Variants in ESS2 observed in about 807,000 individuals in gnomAD.
ESS2 encodes the protein splicing factor ESS-2 homolog.
ESS2 carries 31 observed loss-of-function variants against 52.0 expected under a neutral mutation model. The observed-to-expected ratio is 0.60, with a 90% confidence interval of 0.45 to 0.81. The LOEUF (loss-of-function observed/expected upper bound fraction) is 0.81. ESS2 is among the 30% of genes least tolerant of loss of function. The pLI is 0.00. For synonymous variants in ESS2, 285 were observed against 259.2 expected, an observed-to-expected ratio of 1.10 and a Z score of -0.95; for missense variants, 602 against 637.2, an observed-to-expected ratio of 0.94 and a Z score of 0.59.
chr22:19,137,901 C>T lies in ESS2; in HGVS notation c.925+314G>A, dbSNP rs537116734. The T allele has an allele frequency of 5.1e-6, 5 of 985,412 alleles. No individual in the cohort carries two copies. In the African/African-American group the frequency reaches 8.7e-5, roughly 17 times the overall value. The allele number at this position is 985,412 out of a possible 1,614,324, so 61.0% of individuals were successfully genotyped here. Reference sequence around the variant, plus strand: ...GTGCTGGGCCTCCCTCCCTGCAGTGCTAGGTAGACTTAGACTCATAAGCAC... The same window carrying T: ...GTGCTGGGCCTCCCTCCCTGCAGTGTTAGGTAGACTTAGACTCATAAGCAC... On this transcript the variant is annotated intron_variant, in intron 7 of 9. Transcript: ENST00000252137.
chr22:19,134,954 TG>T, intron 9 of ESS2, 105 bp downstream of exon 9: 2 of 1,092,384 alleles, frequency 1.8e-6, no homozygotes, highest in Non-Finnish European at 2.7e-6. Context: ...GGACCTGCCC[TG>T]GACTCTGCCG....
In ESS2 at chr22:19,139,959, T is replaced by C. The variant is rs1361211971; in HGVS notation, c.466A>G (p.Thr156Ala). The change falls in exon 4 of 10, where the codon ACG (threonine) becomes GCG (alanine). Residue 156 changes from threonine (T) to alanine (A), a missense_variant. Thr to Ala is a moderately conservative substitution (Grantham distance 58). Coordinates refer to ENST00000252137, the MANE Select transcript of ESS2 (RefSeq NM_022719.3). ...TGGAAGGAGGCATTGTCCTCACTCG[T>C]GTAGCGGCTCAGGAAGACATCTAGG... ...PSLDVFLSRYTSEDNASFQEI... is the reference protein window; with the variant it reads ...PSLDVFLSRYASEDNASFQEI... The C allele has an allele frequency of 6.2e-7, 1 of 1,614,150 alleles. No homozygotes were observed. Among genetic ancestry groups the C allele is most frequent in the Non-Finnish European group, 8.5e-7 (1 of 1,180,036 alleles).
At position 19,134,175 on chromosome 22, in the gene ESS2, GAGCCC is replaced by G. The variant is rs2083538752; in HGVS notation, c.*16_*20del. 2 of 1,491,940 alleles carry G rather than the reference GAGCCC, an allele frequency of 1.3e-6. No homozygotes were observed. The highest frequency in any genetic ancestry group is 4.9e-5 in the East Asian group (2 of 41,124). 92.4% of individuals were successfully genotyped at this position (1,491,940 alleles called of 1,614,324 possible). A position where few individuals can be genotyped will look rare whatever the true frequency, so the allele number is the denominator to read the frequency against. On this transcript the variant is annotated 3_prime_UTR_variant, in exon 10 of 10. Transcript: ENST00000252137. ...CCTGCAGGCTCTGTGAAGCGTCTAT[GAGCCC>G]AGCCCAGGCCTGGCTCTAAAAGAAG... is the stretch of plus-strand genomic sequence containing the variant.
chr22:19,137,496 C>A, intron 7 of ESS2, 64 bp from the exon 8 acceptor site: 1 of 1,273,148 alleles, frequency 7.9e-7, no homozygotes, highest in South Asian at 1.4e-5. Context: ...CCCCTCCAGT[C>A]ACAGCTTGTT....
intron 3 of ESS2, among the ~76,000 whole-genome samples, chr22:19,141,827 C>A (rs976896851): frequency 6.6e-6 from 1 of 151,888 alleles, no homozygotes; most frequent in Non-Finnish European, 1.5e-5. Context: ...GTCTCTACTA[C>A]AAAATACAAA....
chr22:19,134,141 T>C lies in ESS2; in HGVS notation c.*55A>G. The stretch of plus-strand genomic sequence containing the variant: ...GAAGGCTGGAGTCCTCTGCTGGGTG[T>C]ACAGCTGCCCTGCAGGCTCTGTGAA... On this transcript the variant is annotated 3_prime_UTR_variant, in exon 10 of 10. Coordinates refer to ENST00000252137, the MANE Select transcript of ESS2 (RefSeq NM_022719.3). 1 of 1,464,100 alleles carries C rather than the reference T, an allele frequency of 6.8e-7. No individual in the cohort carries two copies. The highest frequency in any genetic ancestry group is 1.5e-5 in the South Asian group (1 of 68,004). The allele number at this position is 1,464,100 out of a possible 1,614,324, so 90.7% of individuals were successfully genotyped here. A position where few individuals can be genotyped will look rare whatever the true frequency, so the allele number is the denominator to read the frequency against.
chr22:19,134,047 C>T lies in ESS2; in HGVS notation c.*149G>A. ...ACGAGTGCCTTGTGCCAGTCTGGCC[C>T]CAGCACAGCCCCTTTCTCCAGTGAC... On this transcript the variant is annotated 3_prime_UTR_variant, in exon 10 of 10. Transcript: ENST00000252137. The T allele has an allele frequency of 2.0e-6, 2 of 1,006,290 alleles. No individual in the cohort carries two copies. Among genetic ancestry groups the T allele is most frequent in the East Asian group, 3.2e-5 (1 of 31,020 alleles). The allele number at this position is 1,006,290 out of a possible 1,614,324, so 62.3% of individuals were successfully genotyped here.
At position 19,140,032 on chromosome 22, in the gene ESS2, G is replaced by C; in HGVS notation, c.401-8C>G. 6.2e-7 allele frequency: 1 copy of C among 1,613,096 alleles called. No homozygotes were observed. Among genetic ancestry groups the C allele is most frequent in the Non-Finnish European group, 8.5e-7 (1 of 1,179,898 alleles). On this transcript the variant is annotated splice_polypyrimidine_tract_variant and splice_region_variant and intron_variant, in intron 3 of 9. Coordinates refer to ENST00000252137, the MANE Select transcript of ESS2 (RefSeq NM_022719.3). The stretch of plus-strand genomic sequence containing the variant: ...CCTCCTCTCCAGCCTCTCCTGCTTA[G>C]GGGTTGCGGGAGGAGGAACACAGCA...
In ESS2 at chr22:19,140,039, C is replaced by T. The variant is rs368395638; in HGVS notation, c.401-15G>A. The T allele has an allele frequency of 9.3e-6, 15 of 1,612,308 alleles. No homozygotes were observed. The highest frequency in any genetic ancestry group is 1.6e-4 in the Middle Eastern group (1 of 6,078). On this transcript the variant is annotated splice_polypyrimidine_tract_variant and intron_variant, in intron 3 of 9. Transcript: ENST00000252137. ...TCCAGCCTCTCCTGCTTAGGGGTTG[C>T]GGGAGGAGGAACACAGCACCCTTTG...
chr22:19,144,206 T>G, intron 1 of ESS2: 1 of 1,158,916 alleles, frequency 8.6e-7, no homozygotes, highest in Non-Finnish European at 1.1e-6. Context: ...AAAGCCCTCT[T>G]TGCCACCATC....
intron 1 of ESS2, among the ~76,000 whole-genome samples, chr22:19,143,613 TGA>T (rs1298302166): frequency 6.6e-6 from 1 of 152,142 alleles, no homozygotes; most frequent in Non-Finnish European, 1.5e-5. Context: ...CCCAGCACTT[TGA>T]GAGGCCAAGG....
At chr22:19,139,101 G>C in intron 6 of ESS2, 58 bp downstream of exon 6, 1 of 1,536,028 alleles carries the variant, frequency 6.5e-7, no homozygotes, top group Non-Finnish European at 8.7e-7. Context: ...GATCATGCCT[G>C]CCCCCAGGCA....
Position 19,135,114 on chromosome 22 carries a change from T to C in ESS2, c.1097A>G (p.Lys366Arg), listed in dbSNP as rs1166965917. 6.2e-7 allele frequency: 1 copy of C among 1,614,122 alleles called. No homozygotes were observed. Among genetic ancestry groups the C allele is most frequent in the South Asian group, 1.1e-5 (1 of 91,082 alleles). ...GLKMANEAAA[K>R]NRAKKQEALR... Reference sequence around the variant, plus strand: ...GGCTTCCTGCTTCTTGGCCCGGTTCTTGGCAGCGGCCTCGTTGGCCATCTT... The same window carrying C: ...GGCTTCCTGCTTCTTGGCCCGGTTCCTGGCAGCGGCCTCGTTGGCCATCTT... Residue 366 changes from lysine (K) to arginine (R), a missense_variant, in exon 9 of 10, where the codon AAG becomes AGG. Transcript: ENST00000252137.
intron 7 of ESS2, chr22:19,137,697 C>G: frequency 1.0e-6 from 1 of 978,286 alleles, no homozygotes; most frequent in Non-Finnish European, 1.2e-6. Context: ...CCCAGCCACG[C>G]AGGAGGAGAC....
At chr22:19,137,745 C>G in intron 7 of ESS2, 1 of 985,398 alleles carries the variant, frequency 1.0e-6, no homozygotes, top group Non-Finnish European at 1.2e-6. Context: ...TCCTAGAACC[C>G]CAGGCAAACC....
chr22:19,135,721 C>T (rs576629661), intron 8 of ESS2, among the ~76,000 whole-genome samples: 1 of 152,056 alleles, frequency 6.6e-6, no homozygotes, highest in East Asian at 1.9e-4. Context: ...TTAGAAAGTC[C>T]CTCCTAACTT....
chr22:19,140,075 AGAG>A (rs774743894), intron 3 of ESS2, 51 bp from the exon 4 acceptor site: 15 of 1,595,660 alleles, frequency 9.4e-6, no homozygotes, highest in Middle Eastern at 3.4e-4. Context: ...CAGTCAGGAA[AGAG>A]GAGGACACCC....
intron 8 of ESS2, among the ~76,000 whole-genome samples, chr22:19,135,796 G>A (rs980039390): frequency 4.6e-5 from 7 of 152,114 alleles, no homozygotes; most frequent in African/African-American, 1.2e-4. Context: ...GGGAGGCCAA[G>A]GTGGGAGGAT....
chr22:19,139,397 T>C (rs960205342), intron 5 of ESS2, 105 bp from the exon 6 acceptor site: 47 of 1,478,172 alleles, frequency 3.2e-5, no homozygotes, highest in South Asian at 5.3e-5. Flanking sequence ...AACAAAAGCA[T>C]TGAGCAGAAC....
Sources: allele counts gnomAD v4.1 joint callset (sites outside exome capture counted in the v4.1 genomes callset), GRCh38; gene constraint gnomAD v4.1.1; transcripts MANE v1.5; gene names NCBI Gene and HGNC (gene_info 2026-07-23, HGNC 2026-07-21).